The following TTC28 variants were observed in gnomAD, a reference collection of about 807,000 sequenced individuals.
TTC28 encodes tetratricopeptide repeat protein 28.
In TTC28, 61 loss-of-function variants were observed where a neutral mutation model predicts 198.0. The ratio of observed to expected loss-of-function variants is 0.31; its 90% CI spans 0.25 to 0.38. The LOEUF is 0.38. Ranked by LOEUF, TTC28 falls within the 10% of genes least tolerant of loss-of-function variation. The pLI, the probability that TTC28 is intolerant of heterozygous loss-of-function variation, is 1.00. For synonymous variants in TTC28, 1,171 were observed against 1,297.8 expected (o/e 0.90, Z 2.10); for missense variants, 2,678 against 3,164.0 (o/e 0.85, Z 3.69).
intron 2 of TTC28, among the ~76,000 whole-genome samples, chr22:28,390,514 A>G (rs2046699908): frequency 6.6e-6 from 1 of 152,120 alleles, no homozygotes; most frequent in Non-Finnish European, 1.5e-5. Flanking sequence ...TTGCTTTATG[A>G]ATCTGGGTGC....
chr22:28,456,831 C>T (rs2047867906), intron 2 of TTC28, among the ~76,000 whole-genome samples: 1 of 152,226 alleles, frequency 6.6e-6, no homozygotes, highest in African/African-American at 2.4e-5. Context: ...ACCTCGGCCT[C>T]ACAAAGTGCT....
chr22:28,001,668 G>C, intron 14 of TTC28, 115 bp from the exon 15 acceptor site: 1 of 1,225,566 alleles, frequency 8.2e-7, no homozygotes, highest in Non-Finnish European at 1.1e-6. Context: ...GGTGAGGCCT[G>C]TGGGGGTGTG....
At chr22:28,322,100 G>T (rs1211470834) in intron 2 of TTC28, among the ~76,000 whole-genome samples, 1 of 152,160 alleles carries the variant, frequency 6.6e-6, no homozygotes, top group Non-Finnish European at 1.5e-5. Context: ...CAGGTGCTGG[G>T]ATTACAGGCA....
At chr22:28,001,351 C>A in intron 15 of TTC28, 23 bp downstream of exon 15, 1 of 1,531,308 alleles carries the variant, frequency 6.5e-7, no homozygotes, top group South Asian at 1.2e-5. Flanking sequence ...CCCCCGGCCC[C>A]CCACCATGTG....
chr22:28,092,065 C>T (rs1941831297), intron 12 of TTC28, among the ~76,000 whole-genome samples: 1 of 152,202 alleles, frequency 6.6e-6, no homozygotes, highest in Admixed American at 6.5e-5. Flanking sequence ...CTCCTGCCTT[C>T]CCTTGTTCAG....
intron 12 of TTC28, among the ~76,000 whole-genome samples, chr22:28,042,290 T>C (rs1939673368): frequency 6.6e-6 from 1 of 152,030 alleles, no homozygotes; most frequent in South Asian, 2.1e-4. Context: ...CGTATTTTTA[T>C]TGCAGCACTA....
chr22:28,445,795 C>A (rs2047692586), intron 2 of TTC28, among the ~76,000 whole-genome samples: 1 of 152,104 alleles, frequency 6.6e-6, no homozygotes, highest in African/African-American at 2.4e-5. Flanking sequence ...GACTCTCACA[C>A]TGTTCCTTTC....
At chr22:28,189,630 G>T (rs2147123145) in intron 5 of TTC28, among the ~76,000 whole-genome samples, 1 of 150,874 alleles carries the variant, frequency 6.6e-6, no homozygotes, top group East Asian at 1.9e-4. Flanking sequence ...ACAAAGGAAA[G>T]ATCTCCAAAT....
At chr22:28,678,770 G>A (rs1569096222) in intron 1 of TTC28, among the ~76,000 whole-genome samples, 1 of 152,210 alleles carries the variant, frequency 6.6e-6, no homozygotes, top group African/African-American at 2.4e-5. Flanking sequence ...CACCATGCCA[G>A]GTACCAAGAT....
At chr22:28,646,253 C>T (rs916188556) in intron 1 of TTC28, among the ~76,000 whole-genome samples, 1 of 152,194 alleles carries the variant, frequency 6.6e-6, no homozygotes, top group Non-Finnish European at 1.5e-5. Context: ...CACTGCTATG[C>T]ACTGGCAACA....
chr22:28,359,430 T>C (rs1049592178), intron 2 of TTC28, among the ~76,000 whole-genome samples: 5 of 152,226 alleles, frequency 3.3e-5, no homozygotes, highest in Admixed American at 1.3e-4. Flanking sequence ...GGAAAACAGC[T>C]ACCCAACTTA....
At chr22:28,509,009 A>C (rs1343404435) in intron 2 of TTC28, among the ~76,000 whole-genome samples, 1 of 151,896 alleles carries the variant, frequency 6.6e-6, no homozygotes, top group African/African-American at 2.4e-5. Flanking sequence ...TAGCCAACAC[A>C]GCGAAACCGC....
At chr22:28,188,784 A>G (rs1924446568) in intron 5 of TTC28, among the ~76,000 whole-genome samples, 1 of 152,154 alleles carries the variant, frequency 6.6e-6, no homozygotes. Flanking sequence ...CCCAAAGAAA[A>G]GGTGTGCACA....
chr22:28,373,239 C>T (rs951440806), intron 2 of TTC28, among the ~76,000 whole-genome samples: 4 of 150,706 alleles, frequency 2.7e-5, no homozygotes, highest in Non-Finnish European at 1.5e-5. Context: ...GGTTTTATTC[C>T]TGTTTTACAA....
intron 2 of TTC28, among the ~76,000 whole-genome samples, chr22:28,537,090 G>A (rs979975538): frequency 9.9e-5 from 15 of 150,844 alleles, no homozygotes; most frequent in South Asian, 4.2e-4. Flanking sequence ...TCAGGAGATC[G>A]AGACCATCCT....
At position 28,483,616 on chromosome 22, in the gene TTC28, G is replaced by C. The variant is rs528748701; in HGVS notation, c.381+145936C>G. ...GTACAACATAAAATAAAACCCATCT[G>C]ATGAATTTTCTTGATCACCAGTATA... On this transcript the variant is annotated intron_variant, in intron 2 of 22. Transcript: ENST00000397906. 6.6e-5 allele frequency among the ~76,000 whole-genome samples: 10 copies of C among 152,200 alleles called. No homozygotes were observed. The South Asian group carries it at 2.1e-3, about 32-fold the overall frequency.
intron 2 of TTC28, among the ~76,000 whole-genome samples, chr22:28,574,834 A>G (rs891915763): frequency 6.6e-6 from 1 of 152,170 alleles, no homozygotes; most frequent in African/African-American, 2.4e-5. Flanking sequence ...CTTTTCAGAA[A>G]TATCTATTCA....
At chr22:28,457,960 T>C (rs984117915) in intron 2 of TTC28, among the ~76,000 whole-genome samples, 3 of 152,196 alleles carry the variant, frequency 2.0e-5, no homozygotes, top group Non-Finnish European at 4.4e-5. Flanking sequence ...TCTAAAATTA[T>C]ACGTGGTCTT....
At chr22:27,992,983 A>T (rs1456832353) in intron 18 of TTC28, 1 of 561,306 alleles carries the variant, frequency 1.8e-6, no homozygotes, top group Non-Finnish European at 3.2e-6. Context: ...TCGGGGCCAC[A>T]GCTGCTGATG....
Sources: allele counts gnomAD v4.1 joint callset (sites outside exome capture counted in the v4.1 genomes callset), GRCh38; gene constraint gnomAD v4.1.1; transcripts MANE v1.5; gene names NCBI Gene and HGNC (gene_info 2026-07-23, HGNC 2026-07-21).